MCF2L: variants seen among roughly 807,000 people sequenced by gnomAD.
The protein encoded by MCF2L is MCF.2 cell line derived transforming sequence like, also known as guanine nucleotide exchange factor DBS.
MCF2L carries 97 observed loss-of-function variants against 153.4 expected under a neutral mutation model. The observed-to-expected ratio is 0.63, with a 90% CI of 0.54 to 0.75. MCF2L has a LOEUF of 0.75. Ranked by LOEUF, MCF2L falls within the 30% of genes least tolerant of loss-of-function variation. The pLI is 0.00. For missense variants in MCF2L, 1,347 were observed against 1,495.2 expected (o/e 0.90, Z 1.64); for synonymous variants, 659 against 632.2 (o/e 1.04, Z -0.64).
intron 9 of MCF2L, among the ~76,000 whole-genome samples, chr13:113,071,084 C>G (rs1190957112): frequency 1.3e-5 from 2 of 152,184 alleles, no homozygotes; most frequent in African/African-American, 2.4e-5. Context: ...ATATTATGCT[C>G]ACATCCTGAT....
intron 26 of MCF2L, chr13:113,090,270 T>C (rs1229588426): frequency 1.5e-6 from 2 of 1,333,388 alleles, no homozygotes; most frequent in Non-Finnish European, 2.0e-6. Flanking sequence ...GCAAAAGCGT[T>C]TCTTTCCACC....
intron 27 of MCF2L, chr13:113,095,567 C>T: frequency 1.0e-6 from 1 of 1,001,184 alleles, no homozygotes; most frequent in Non-Finnish European, 1.2e-6. Flanking sequence ...TACAGGCCAT[C>T]ACGTGAGGGC....
In MCF2L at chr13:113,064,637, C is replaced by CAAAA; in HGVS notation, c.606+217_606+218insAAAA. On this transcript the variant is annotated intron_variant, in intron 6 of 29. Transcript: ENST00000535094. This position sits in a 1 kb window ranked among gnomAD's most constrained non-coding sequence, Gnocchi z 6.0. The stretch of plus-strand genomic sequence containing the variant: ...GAGTGGCTTTCTCTGGGCTTGGAGA[C>CAAAA]CAAAAAAAAAAAAAAAACCCTTGCG... The CAAAA allele has an allele frequency of 2.0e-6, 1 of 500,502 alleles. No homozygotes were observed. The highest frequency in any genetic ancestry group is 2.0e-5 in the African/African-American group (1 of 49,270). 31.0% of individuals were successfully genotyped at this position (500,502 alleles called of 1,614,324 possible).
At chr13:113,030,265 G>T (rs1250169960) in intron 3 of MCF2L, among the ~76,000 whole-genome samples, 31 of 147,984 alleles carry the variant, frequency 2.1e-4, no homozygotes, top group Non-Finnish European at 4.5e-5. Context: ...GGACCCTCGG[G>T]TGTCCACTGA....
In MCF2L at chr13:113,070,991, T is replaced by C. The variant is rs1327654862; in HGVS notation, c.996+818T>C. On this transcript the variant is annotated intron_variant, in intron 9 of 29. Coordinates refer to ENST00000535094, the MANE Select transcript of MCF2L (RefSeq NM_001112732.3). This position sits in a 1 kb window ranked among gnomAD's most constrained non-coding sequence, Gnocchi z 5.6. ...TTATATAGTAGTTGCATGTTTCGTTTAAGAAAATGCCAAACGGTTCTCAGT... is the reference window on the plus strand; with the variant it reads ...TTATATAGTAGTTGCATGTTTCGTTCAAGAAAATGCCAAACGGTTCTCAGT... 6.6e-6 allele frequency among the ~76,000 whole-genome samples: 1 copy of C among 152,222 alleles called. No individual in the cohort carries two copies. Among genetic ancestry groups the C allele is most frequent in the Non-Finnish European group, 1.5e-5 (1 of 68,030 alleles).
intron 1 of MCF2L, among the ~76,000 whole-genome samples, chr13:113,007,962 G>A (rs2083825598): frequency 6.8e-6 from 1 of 146,768 alleles, no homozygotes; most frequent in South Asian, 2.1e-4. Flanking sequence ...TGTCACCCAG[G>A]CTGGAGTGCA....
chr13:113,094,288 G>A, intron 26 of MCF2L: 1 of 316,896 alleles, frequency 3.2e-6, no homozygotes, highest in Non-Finnish European at 5.7e-6. Context: ...GGGTGGCCCA[G>A]CAATTGGAAG....
At chr13:112,917,340 C>T (rs1400146314) in intron 2 of MCF2L, 4 of 367,518 alleles carry the variant, frequency 1.1e-5, no homozygotes, top group Non-Finnish European at 2.2e-5. Context: ...ACCCCATCGT[C>T]CTCATCTGTG....
intron 8 of MCF2L, 151 bp downstream of exon 8, chr13:113,066,321 G>A (rs1187894085): frequency 2.3e-5 from 22 of 946,140 alleles, no homozygotes; most frequent in Non-Finnish European, 2.7e-5. Flanking sequence ...CACAGCAGCC[G>A]GCCTCCGAGC....
intron 11 of MCF2L, among the ~76,000 whole-genome samples, chr13:113,075,566 C>T (rs1002327923): frequency 2.0e-5 from 3 of 152,100 alleles, no homozygotes; most frequent in African/African-American, 7.2e-5. Flanking sequence ...AACTCCTGGG[C>T]TCAGGTGATC....
rs1474571134 is a variant in MCF2L at position 113,096,606 on chromosome 13, C to T, written c.3245C>T (p.Ser1082Phe). Residue 1082 changes from serine to phenylalanine, a missense_variant, in exon 29 of 30, where the codon TCC becomes TTC. By Grantham distance (155) the Ser-to-Phe change is radical. Coordinates refer to ENST00000535094, the MANE Select transcript of MCF2L (RefSeq NM_001112732.3). ...KEGWVPASSLSVRLGPSGSAQ... is the reference protein window; with the variant it reads ...KEGWVPASSLFVRLGPSGSAQ... ...GGCTGGGTGCCGGCCAGCAGCCTGT[C>T]CGTCCGGCTCGGCCCGTCCGGCTCG... The T allele has an allele frequency of 1.2e-6, 2 of 1,601,112 alleles. No homozygotes were observed. Among genetic ancestry groups the T allele is most frequent in the Non-Finnish European group, 1.7e-6 (2 of 1,177,668 alleles).
At chr13:112,902,296 A>T in exon 2 of MCF2L, 1 of 1,612,936 alleles carries the variant, frequency 6.2e-7, no homozygotes, top group Non-Finnish European at 8.5e-7. Flanking sequence ...AAAGGAGGAA[A>T]CGGATCACCA....
At chr13:113,014,953 C>G in intron 2 of MCF2L, 107 bp downstream of exon 2, 1 of 953,026 alleles carries the variant, frequency 1.0e-6, no homozygotes, top group South Asian at 1.4e-5. Flanking sequence ...AAGGGTCATG[C>G]GAGGGGCTGT....
At chr13:112,978,405 T>C (rs1447711326) in intron 1 of MCF2L, among the ~76,000 whole-genome samples, 1 of 152,218 alleles carries the variant, frequency 6.6e-6, no homozygotes, top group Non-Finnish European at 1.5e-5. Context: ...TGTGGAGCTC[T>C]GTCTTTCCTG....
intron 18 of MCF2L, among the ~76,000 whole-genome samples, chr13:113,084,393 G>A (rs2034443347): frequency 6.6e-6 from 1 of 151,042 alleles, no homozygotes; most frequent in Non-Finnish European, 1.5e-5. Context: ...AGAACTTCCT[G>A]TCCCTTAGAA....
chr13:113,019,265 G>C (rs145256404), intron 2 of MCF2L, among the ~76,000 whole-genome samples: 30 of 152,332 alleles, frequency 2.0e-4, no homozygotes, highest in African/African-American at 7.0e-4. Flanking sequence ...AGAGGGATTC[G>C]AAGTGGGGAA....
rs771990549 is a variant in MCF2L at position 113,097,708 on chromosome 13, A to G, written c.*849A>G. ...TTTTTTTAAAGAGCTTCACTGAATT[A>G]GGATATTTTTATTGCTTTTAAAGAA... is the stretch of plus-strand genomic sequence containing the variant. On this transcript the variant is annotated 3_prime_UTR_variant, in exon 30 of 30. Coordinates refer to ENST00000535094, the MANE Select transcript of MCF2L (RefSeq NM_001112732.3). 2 of 152,350 alleles carry G rather than the reference A, an allele frequency of 1.3e-5. No homozygotes were observed. The highest frequency in any genetic ancestry group is 6.5e-5 in the Admixed American group (1 of 15,310). The allele number at this position is 152,350 out of a possible 1,614,324, so 9.4% of individuals were successfully genotyped here.
Position 112,907,564 on chromosome 13 carries a change from G to A in MCF2L, c.169+5193G>A, listed in dbSNP as rs1354676123. Among the ~76,000 whole-genome samples, 1 of 152,144 alleles carries A rather than the reference G, an allele frequency of 6.6e-6. No homozygotes were observed. Among genetic ancestry groups the A allele is most frequent in the Non-Finnish European group, 1.5e-5 (1 of 68,026 alleles). On this transcript the variant is annotated intron_variant, in intron 2 of 29. Coordinates refer to the MCF2L transcript ENST00000375608. This position sits in a 1 kb window ranked among gnomAD's most constrained non-coding sequence, Gnocchi z 5.1. ...TAGTTGTGCATTCGTGAATCTGACGGGGGAAGATGTGTTTCTTCACATCTT... is the reference window on the plus strand; with the variant it reads ...TAGTTGTGCATTCGTGAATCTGACGAGGGAAGATGTGTTTCTTCACATCTT...
intron 2 of MCF2L, among the ~76,000 whole-genome samples, chr13:112,903,625 G>A (rs544911060): frequency 1.5e-4 from 23 of 152,298 alleles, no homozygotes; most frequent in African/African-American, 5.1e-4. Context: ...GGGGGGCTGC[G>A]TTTCGGTATA....
Sources: allele counts gnomAD v4.1 joint callset (sites outside exome capture counted in the v4.1 genomes callset), GRCh38; gene constraint gnomAD v4.1.1; non-coding constraint Gnocchi (gnomAD v3.1); transcripts MANE v1.5; gene names NCBI Gene and HGNC (gene_info 2026-07-23, HGNC 2026-07-21).